Variants in EMC1 observed in about 807,000 individuals in gnomAD.
The protein encoded by EMC1 is KIAA0090.
EMC1 carries 103 observed loss-of-function variants against 128.8 expected under a neutral mutation model. The ratio of observed to expected loss-of-function variants is 0.80; its 90% CI spans 0.68 to 0.94. The LOEUF (loss-of-function observed/expected upper bound fraction) is 0.94, where lower values mean the gene tolerates loss of function less well. Among genes scored for constraint, EMC1 ranks in the 40% least tolerant of loss-of-function variants. The pLI is 0.00. For synonymous variants in EMC1, 442 were observed against 490.4 expected (o/e 0.90, Z 1.30); for missense variants, 1,083 against 1,250.6 (o/e 0.87, Z 2.02).
chr1:19,222,497 C>T, intron 20 of EMC1, 127 bp downstream of exon 20: 2 of 776,044 alleles, frequency 2.6e-6, no homozygotes. Flanking sequence ...CGATATATAG[C>T]CCTCCTCACC....
Position 19,223,449 on chromosome 1 carries a change from G to C in EMC1, c.2323C>G (p.Gln775Glu). 6.2e-7 allele frequency: 1 copy of C among 1,614,178 alleles called. No homozygotes were observed. The highest frequency in any genetic ancestry group is 8.5e-7 in the Non-Finnish European group (1 of 1,180,040). Reference sequence around the variant, plus strand: ...TGGACAGGGCCTTTGGCTTTCTTCTGCACAGAGGAGTGAATGATACGCCCA... The same window carrying C: ...TGGACAGGGCCTTTGGCTTTCTTCTCCACAGAGGAGTGAATGATACGCCCA... ...VTGRIIHSSV[Q>E]KKAKGPVHIV... Residue 775 changes from glutamine to glutamate, a missense_variant, in exon 19 of 23, where the codon CAG becomes GAG. Coordinates refer to ENST00000477853, the MANE Select transcript of EMC1 (RefSeq NM_015047.3).
At chr1:19,227,585 A>T (rs942698447) in intron 17 of EMC1, 135 bp from the exon 18 acceptor site, 15 of 1,089,902 alleles carry the variant, frequency 1.4e-5, no homozygotes, top group Non-Finnish European at 2.0e-5. Context: ...TAGAAAAATG[A>T]GCCAGGAGCA....
In EMC1 at chr1:19,227,410, G is replaced by C. The variant is rs781072054; in HGVS notation, c.2105C>G (p.Pro702Arg). 4.3e-6 allele frequency: 7 copies of C among 1,614,186 alleles called. No individual in the cohort carries two copies. The highest frequency in any genetic ancestry group is 5.9e-6 in the Non-Finnish European group (7 of 1,180,024). Residue 702 changes from proline to arginine, a missense_variant, in exon 18 of 23, where the codon CCA (proline) becomes CGA (arginine). This residue lies in a region of EMC1 where 527 missense variants were observed against 644.1 expected (regional missense o/e 0.82). Transcript: ENST00000477853. Reference protein sequence around the residue: ...TELSWELTIPPEVQRIVKVKG... With the variant: ...TELSWELTIPREVQRIVKVKG... ...CACCTTGACGATCCGCTGTACTTCT[G>C]GGGGAATGGTCAGCTCCCAACTCAG...
rs370065062 is a variant in EMC1 at position 19,222,723 on chromosome 1, G to A, written c.2488C>T (p.Leu830=). 2.5e-6 allele frequency: 4 copies of A among 1,614,076 alleles called. No homozygotes were observed. The highest frequency in any genetic ancestry group is 1.3e-5 in the African/African-American group (1 of 74,930). Residue 830 remains leucine, a synonymous_variant, in exon 20 of 23, where the codon CTG becomes TTG. Coordinates refer to ENST00000477853, the MANE Select transcript of EMC1 (RefSeq NM_015047.3). ...TAFSSLDRPQ[L]PQVLQQSYIF... is the part of the protein sequence containing the mutation. ...TAGGACTGCTGGAGGACCTGGGGCA[G>A]CTGGGGGCGGTCCAGGGAGCTGAAG...
intron 16 of EMC1, 70 bp from the exon 17 acceptor site, chr1:19,231,033 A>G: frequency 6.3e-7 from 1 of 1,582,926 alleles, no homozygotes; most frequent in Non-Finnish European, 8.6e-7. Context: ...TTAAGAATAA[A>G]ACTGCAAATC....
chr1:19,230,443 G>A (rs528493536), intron 17 of EMC1, among the ~76,000 whole-genome samples: 76 of 152,276 alleles, frequency 5.0e-4, no homozygotes, highest in African/African-American at 1.7e-3. Flanking sequence ...GGTGGCGCAC[G>A]CCTGTAATCC....
At chr1:19,242,498 C>A (rs1308916845) in intron 4 of EMC1, 25 bp from the exon 5 acceptor site, 6 of 1,613,436 alleles carry the variant, frequency 3.7e-6, no homozygotes, top group Non-Finnish European at 5.1e-6. Flanking sequence ...AGGTTGAGAG[C>A]AGCCCACACC....
intron 15 of EMC1, 100 bp downstream of exon 15, chr1:19,232,524 C>T (rs2093531776): frequency 7.5e-7 from 1 of 1,337,502 alleles, no homozygotes; most frequent in East Asian, 2.3e-5. Context: ...GAATGTTCCT[C>T]ATTAACTCAC....
rs55743743 is a variant in EMC1, at chr1:19,250,218, CAAAAAAAAAAAAA to C, written c.95+1184_95+1196del. ...CTGGGCAACAAGAGCAAAACTGTCT[CAAAAAAAAAAAAA>C]AAAAAAAAAAAAAAAAGTCTTAAAC... On this transcript the variant is annotated intron_variant, in intron 1 of 22. Coordinates refer to ENST00000477853, the MANE Select transcript of EMC1 (RefSeq NM_015047.3). Among the ~76,000 whole-genome samples, 190 of 48,260 alleles carry C rather than the reference CAAAAAAAAAAAAA, an allele frequency of 3.9e-3. 5 individuals are homozygous for C. The East Asian group carries it at 0.13, about 33-fold the overall frequency. The allele number at this position is 48,260 out of a possible 152,430, so 31.7% of individuals were successfully genotyped here. A position where few individuals can be genotyped will look rare whatever the true frequency, so the allele number is the denominator to read the frequency against.
chr1:19,219,343 C>A lies in EMC1; in HGVS notation c.2942G>T (p.Arg981Ile). 6.2e-7 allele frequency: 1 copy of A among 1,614,082 alleles called. No individual in the cohort carries two copies. The highest frequency in any genetic ancestry group is 8.5e-7 in the Non-Finnish European group (1 of 1,180,026). Residue 981 changes from arginine to isoleucine, a missense_variant, in exon 23 of 23, where the codon AGA becomes ATA. This residue lies in a region of EMC1 where 527 missense variants were observed against 644.1 expected (regional missense o/e 0.82). Coordinates refer to ENST00000477853, the MANE Select transcript of EMC1 (RefSeq NM_015047.3). Reference sequence around the variant, plus strand: ...ATTCAGGAGCTTCACCTGTGCCAGTCTCTTAGTGATCATGGTGGCAAAAAC... The same window carrying A: ...ATTCAGGAGCTTCACCTGTGCCAGTATCTTAGTGATCATGGTGGCAAAAAC... ...GLVFATMITK[R>I]LAQVKLLNRA... is the part of the protein sequence containing the mutation.
intron 21 of EMC1, 99 bp from the exon 22 acceptor site, chr1:19,219,797 T>G: frequency 1.5e-6 from 2 of 1,376,310 alleles, no homozygotes; most frequent in Non-Finnish European, 2.0e-6. Flanking sequence ...GCTACATATC[T>G]AGCCTCAAAT....
At chr1:19,226,626 C>G (rs1388880209) in intron 18 of EMC1, among the ~76,000 whole-genome samples, 2 of 151,980 alleles carry the variant, frequency 1.3e-5, no homozygotes, top group Non-Finnish European at 2.9e-5. Flanking sequence ...ACAATTGCAG[C>G]TCACTGTAGC....
In EMC1 at chr1:19,217,357, G is replaced by A. The variant is rs893397106; in HGVS notation, c.*1946C>T. On this transcript the variant is annotated 3_prime_UTR_variant, in exon 23 of 23. Coordinates refer to ENST00000477853, the MANE Select transcript of EMC1 (RefSeq NM_015047.3). The stretch of plus-strand genomic sequence containing the variant: ...GAGGCCAGGAGTTCGAGACCAGCCT[G>A]GCCAACACAATGAAACCCCGTCTCT... The A allele has an allele frequency of 6.6e-6, 1 of 152,210 alleles. No individual in the cohort carries two copies. Among genetic ancestry groups the A allele is most frequent in the Non-Finnish European group, 1.5e-5 (1 of 68,106 alleles). The allele number at this position is 152,210 out of a possible 1,614,324, so 9.4% of individuals were successfully genotyped here. A position where few individuals can be genotyped will look rare whatever the true frequency, so the allele number is the denominator to read the frequency against.
In EMC1 at chr1:19,232,560, T is replaced by G. The variant is rs185817252; in HGVS notation, c.1782+64A>C. 1.0e-4 allele frequency: 165 copies of G among 1,592,930 alleles called. No individual in the cohort carries two copies. In the African/African-American group the frequency reaches 2.0e-3, roughly 19 times the overall value. On this transcript the variant is annotated intron_variant, in intron 15 of 22. Transcript: ENST00000477853. ...ACAATTCCAAGGGCCTAGGAGCAAT[T>G]TAAGTTACAAAATAGCAAAAAAGCC...
intron 20 of EMC1, 135 bp downstream of exon 20, chr1:19,222,482 TCCACCGA>T: frequency 1.5e-6 from 1 of 679,694 alleles, no homozygotes; most frequent in Non-Finnish European, 2.5e-6. Context: ...AGAAACTTTT[TCCACCGA>T]TATATAGCCC....
At chr1:19,251,367 C>T in intron 1 of EMC1, 48 bp downstream of exon 1, 1 of 1,525,234 alleles carries the variant, frequency 6.6e-7, no homozygotes, top group Non-Finnish European at 9.1e-7. Flanking sequence ...GAGACAGGTA[C>T]TGGGGAAACA....
At chr1:19,245,061 G>A (rs2093625859) in intron 1 of EMC1, 31 bp from the exon 2 acceptor site, 1 of 1,609,932 alleles carries the variant, frequency 6.2e-7, no homozygotes. Flanking sequence ...GGGACCATAA[G>A]GAGCTAAAAT....
chr1:19,232,568 C>T (rs887673774), intron 15 of EMC1, 56 bp downstream of exon 15: 43 of 1,604,310 alleles, frequency 2.7e-5, no homozygotes, highest in Non-Finnish European at 3.4e-5. Context: ...ATTTAAGTTA[C>T]AAAATAGCAA....
At chr1:19,219,745 G>A (rs2093417323) in intron 21 of EMC1, 47 bp from the exon 22 acceptor site, 2 of 1,604,922 alleles carry the variant, frequency 1.2e-6, no homozygotes, top group African/African-American at 1.3e-5. Context: ...TGCTGTAAAG[G>A]GATCTCTTGG....
Sources: gnomAD v4.1 joint callset for allele counts (sites outside exome capture counted in the v4.1 genomes callset) on GRCh38, gnomAD v4.1.1 for gene constraint, gnomAD v4.1.1 regional missense constraint, MANE v1.5 for transcripts, NCBI Gene and HGNC (gene_info 2026-07-23, HGNC 2026-07-21) for gene names.